The following HHLA1 variants were observed in gnomAD, a reference collection of about 807,000 sequenced individuals.
HHLA1 encodes the protein HERV-H LTR-associating protein 1.
A neutral mutation model predicts 69.9 loss-of-function variants in HHLA1; 72 were observed. That is an observed-to-expected ratio of 1.03 (90% confidence interval 0.85 to 1.25). HHLA1 has a LOEUF of 1.25. Among genes scored for constraint, HHLA1 ranks in the 50% most tolerant of loss-of-function variants. The pLI is 0.00. For missense variants in HHLA1, 685 were observed against 642.2 expected (o/e 1.07, Z -0.72); for synonymous variants, 252 against 233.2 (o/e 1.08, Z -0.73).
Position 132,079,904 on chromosome 8 carries a change from G to C in HHLA1, c.739C>G (p.Pro247Ala). The C allele has an allele frequency of 6.4e-7, 1 of 1,552,304 alleles. No individual in the cohort carries two copies. The highest frequency in any genetic ancestry group is 8.7e-7 in the Non-Finnish European group (1 of 1,147,116). ...GTCCAGTGTCCGGGGCTTGTACTTG[G>C]TAGTGTTTTCTGGCTTTTGGTTGTG... ...KPTTKSQKTL[P>A]STSPGHWTQS... is the part of the protein sequence containing the mutation. Residue 247 changes from proline to alanine, a missense_variant, in exon 11 of 17, where the codon CCA (proline) becomes GCA (alanine). Coordinates refer to ENST00000414222, the MANE Select transcript of HHLA1 (RefSeq NM_001145095.3).
intron 10 of HHLA1, among the ~76,000 whole-genome samples, chr8:132,084,396 A>G (rs1050907191): frequency 9.4e-5 from 14 of 149,588 alleles, no homozygotes; most frequent in Admixed American, 6.7e-4. Flanking sequence ...CTGGAGGGAA[A>G]GAAGGAAGAT....
chr8:132,073,034 A>G (rs1329594334), intron 14 of HHLA1, among the ~76,000 whole-genome samples: 1 of 152,218 alleles, frequency 6.6e-6, no homozygotes, highest in Non-Finnish European at 1.5e-5. Flanking sequence ...TTTCCTCATT[A>G]CTTAATGAGT....
intron 15 of HHLA1, among the ~76,000 whole-genome samples, chr8:132,068,094 G>A (rs757382936): frequency 2.6e-5 from 4 of 152,204 alleles, no homozygotes; most frequent in Non-Finnish European, 4.4e-5. Flanking sequence ...AGGATATCAA[G>A]CAACTTTGGG....
chr8:132,083,412 C>T (rs1170911720), intron 10 of HHLA1, among the ~76,000 whole-genome samples: 10 of 151,956 alleles, frequency 6.6e-5, no homozygotes, highest in South Asian at 4.2e-4. Context: ...AAGAAGGGGA[C>T]GGGCTTACCT....
chr8:132,107,688 T>C (rs1027988227), intron 1 of HHLA1, among the ~76,000 whole-genome samples: 8 of 152,252 alleles, frequency 5.3e-5, no homozygotes, highest in Non-Finnish European at 1.0e-4. Context: ...CCTGGTTTTT[T>C]AATTCTTTGT....
At chr8:132,107,599 C>T (rs1055113715) in intron 1 of HHLA1, among the ~76,000 whole-genome samples, 21 of 152,110 alleles carry the variant, frequency 1.4e-4, no homozygotes, top group Admixed American at 3.3e-4. Flanking sequence ...CGCGCTTGGC[C>T]GACATGCTAA....
intron 16 of HHLA1, among the ~76,000 whole-genome samples, chr8:132,065,350 C>T (rs1006059502): frequency 2.6e-5 from 4 of 152,178 alleles, no homozygotes; most frequent in African/African-American, 4.8e-5. Flanking sequence ...GGTGCAATCT[C>T]GGCTTACTGC....
chr8:132,099,213 C>T (rs1328753633), intron 4 of HHLA1, among the ~76,000 whole-genome samples: 4 of 152,156 alleles, frequency 2.6e-5, no homozygotes, highest in Non-Finnish European at 2.9e-5. Context: ...CTTTTAGTGA[C>T]AATTGCATCT....
At chr8:132,084,232 T>G (rs936400254) in intron 10 of HHLA1, among the ~76,000 whole-genome samples, 27 of 151,600 alleles carry the variant, frequency 1.8e-4, no homozygotes, top group Non-Finnish European at 2.9e-4. Flanking sequence ...ATAAAAAGAT[T>G]ATAGGGTGGA....
chr8:132,083,093 G>A (rs150568430), intron 10 of HHLA1, among the ~76,000 whole-genome samples: 14 of 151,476 alleles, frequency 9.2e-5, no homozygotes, highest in South Asian at 2.1e-4. Flanking sequence ...AGGTGGGGGG[G>A]ATACAAGAGG....
intron 14 of HHLA1, 119 bp from the exon 15 acceptor site, chr8:132,071,612 G>A: frequency 1.1e-6 from 1 of 898,276 alleles, no homozygotes; most frequent in East Asian, 2.7e-5. Flanking sequence ...CTCTGAGACA[G>A]ACAGGTAAAC....
intron 7 of HHLA1, among the ~76,000 whole-genome samples, chr8:132,091,547 T>C (rs1048676444): frequency 7.2e-5 from 11 of 152,246 alleles, no homozygotes; most frequent in African/African-American, 2.7e-4. Context: ...AATCTGCTTT[T>C]TAGGCTTGGA....
intron 15 of HHLA1, chr8:132,070,028 G>GGGGGGGGGT (rs1247442233): frequency 5.2e-5 from 5 of 95,536 alleles, no homozygotes; most frequent in African/African-American, 1.3e-4. Context: ...GGGGGGGAGG[G>GGGGGGGGGT]GGATGAAAGA....
At position 132,104,089 on chromosome 8, in the gene HHLA1, G is replaced by A. The variant is rs1309411773; in HGVS notation, c.139+19C>T. Reference sequence around the variant, plus strand: ...CCCAAGAACAGTGAGCTGAAAAGGAGCCCTTATCACCCACTTACCTGTTGT... The same window carrying A: ...CCCAAGAACAGTGAGCTGAAAAGGAACCCTTATCACCCACTTACCTGTTGT... On this transcript the variant is annotated intron_variant, in intron 3 of 16. Coordinates refer to ENST00000414222, the MANE Select transcript of HHLA1 (RefSeq NM_001145095.3). 2 of 1,535,532 alleles carry A rather than the reference G, an allele frequency of 1.3e-6. No individual in the cohort carries two copies. The highest frequency in any genetic ancestry group is 2.0e-5 in the Admixed American group (1 of 50,982).
intron 5 of HHLA1, 73 bp downstream of exon 5, chr8:132,098,809 C>A: frequency 2.2e-6 from 2 of 905,826 alleles, no homozygotes; most frequent in South Asian, 1.5e-5. Flanking sequence ...GTCAAGGCAA[C>A]AGAAAGGTTC....
intron 1 of HHLA1, among the ~76,000 whole-genome samples, chr8:132,107,330 C>T (rs1012721942): frequency 1.3e-4 from 19 of 152,000 alleles, no homozygotes; most frequent in East Asian, 7.8e-4. Context: ...AGAAGAGTTT[C>T]GCTCTTGTTG....
chr8:132,078,242 T>C (rs943395610), intron 11 of HHLA1, among the ~76,000 whole-genome samples: 5 of 151,814 alleles, frequency 3.3e-5, no homozygotes, highest in Non-Finnish European at 7.4e-5. Context: ...CCCAGGCGTG[T>C]GTGTTTGGGG....
Position 132,079,883 on chromosome 8 carries a change from A to G in HHLA1, c.760T>C (p.Trp254Arg), listed in dbSNP as rs113663374. ...KTLPSTSPGHWTQSTPWASAL... is the reference protein window; with the variant it reads ...KTLPSTSPGHRTQSTPWASAL... Reference sequence around the variant, plus strand: ...GATGCCCAGGGTGTGCTCTGGGTCCAGTGTCCGGGGCTTGTACTTGGTAGT... The same window carrying G: ...GATGCCCAGGGTGTGCTCTGGGTCCGGTGTCCGGGGCTTGTACTTGGTAGT... The change falls in exon 11 of 17, where the codon TGG becomes CGG. Residue 254 changes from tryptophan to arginine, a missense_variant. Transcript: ENST00000414222. The G allele has an allele frequency of 8.4e-6, 13 of 1,552,042 alleles. No homozygotes were observed. In the African/African-American group the frequency reaches 1.4e-4, roughly 16 times the overall value.
chr8:132,074,058 C>T (rs1017288532), intron 14 of HHLA1, among the ~76,000 whole-genome samples: 2 of 152,208 alleles, frequency 1.3e-5, no homozygotes, highest in East Asian at 3.9e-4. Context: ...GACATGGTGA[C>T]AAAGTACTGT....
Sources: allele counts gnomAD v4.1 joint callset (sites outside exome capture counted in the v4.1 genomes callset), GRCh38; gene constraint gnomAD v4.1.1; transcripts MANE v1.5; gene names NCBI Gene and HGNC (gene_info 2026-07-23, HGNC 2026-07-21).